The following HPX variants were observed in gnomAD, a reference collection of about 807,000 sequenced individuals.
HPX encodes hemopexin.
In HPX, 42 loss-of-function variants were observed where a neutral mutation model predicts 53.8. The observed-to-expected ratio is 0.78, with a 90% CI of 0.61 to 1.01. HPX has a LOEUF of 1.01. Ranked by LOEUF, HPX falls within the 50% of genes least tolerant of loss-of-function variation. HPX has a pLI of 0.00. For missense variants in HPX, 547 were observed against 594.3 expected (o/e 0.92, Z 0.83); for synonymous variants, 229 against 221.1 (o/e 1.04, Z -0.32).
At position 6,431,232 on chromosome 11, in the gene HPX, A is replaced by G. The variant is rs780231625; in HGVS notation, c.1368T>C (p.Ser456=). Residue 456 remains serine, a synonymous_variant, in exon 10 of 10, where the codon AGT becomes AGC. Transcript: ENST00000265983. ...CCCCTCAGTGAGTGCAGCCCAGGAG[A>G]CTGGTCACATTCTGGGGTTGCGGAA... ...KALPQPQNVT[S]LLGCTH 2.2e-5 allele frequency: 35 copies of G among 1,614,216 alleles called. 1 individual carries two copies. The East Asian group carries it at 6.5e-4, about 30-fold the overall frequency.
At chr11:6,439,743 G>C in intron 4 of HPX, 1 of 240,716 alleles carries the variant, frequency 4.2e-6, no homozygotes, top group East Asian at 1.1e-4. Context: ...AGCAGACACA[G>C]CCTGGGTCAC....
intron 7 of HPX, among the ~76,000 whole-genome samples, chr11:6,433,603 T>C (rs774180719): frequency 6.6e-6 from 1 of 152,282 alleles, no homozygotes; most frequent in Non-Finnish European, 1.5e-5. Flanking sequence ...ACTGCACGGA[T>C]TGCTAGCTGG....
chr11:6,434,670 T>G (rs1003894404), intron 7 of HPX, among the ~76,000 whole-genome samples: 4 of 152,160 alleles, frequency 2.6e-5, no homozygotes, highest in Admixed American at 6.5e-5. Context: ...TGCTGCTTTG[T>G]GCAATGAAGT....
Position 6,431,658 on chromosome 11 carries a change from C to G in HPX, c.1112G>C (p.Arg371Pro). 6.2e-7 allele frequency: 1 copy of G among 1,613,854 alleles called. No individual in the cohort carries two copies. Among genetic ancestry groups the G allele is most frequent in the Non-Finnish European group, 8.5e-7 (1 of 1,180,030 alleles). Residue 371 changes from arginine to proline, a missense_variant, in exon 9 of 10, where the codon CGG (arginine) becomes CCG (proline). Arg to Pro is a moderately radical substitution (Grantham distance 103). Transcript: ENST00000265983. Reference protein sequence around the residue: ...DAAFICPGSSRLHIMAGRRLW... With the variant: ...DAAFICPGSSPLHIMAGRRLW... ...CCCCTCACCTGCCATGATATGGAGC[C>G]GAGAAGACCCAGGGCAGATAAAGGC...
chr11:6,431,464 C>T lies in HPX; in HGVS notation c.1136G>A (p.Arg379Gln), dbSNP rs1159347596. Residue 379 changes from arginine to glutamine, a missense_variant, in exon 10 of 10, where the codon CGG (arginine) becomes CAG (glutamine). Arg to Gln is a conservative substitution (Grantham distance 43). Transcript: ENST00000265983. ...TGACTTCAGGTCCAGCCACCACAGCCGCCGTCCTGGGGAGAAGGCACCAAA... is the reference window on the plus strand; with the variant it reads ...TGACTTCAGGTCCAGCCACCACAGCTGCCGTCCTGGGGAGAAGGCACCAAA... ...SSRLHIMAGR[R>Q]LWWLDLKSGA... is the part of the protein sequence containing the mutation. 2 of 1,614,056 alleles carry T rather than the reference C, an allele frequency of 1.2e-6. No homozygotes were observed. The highest frequency in any genetic ancestry group is 1.3e-5 in the African/African-American group (1 of 74,928).
chr11:6,440,567 T>TTA (rs1849469373), intron 2 of HPX, 29 bp from the exon 3 acceptor site: 4 of 591,202 alleles, frequency 6.8e-6, no homozygotes, highest in African/African-American at 3.3e-5. Flanking sequence ...GATGGCAAAG[T>TTA]AAAAAAAAAA....
intron 5 of HPX, 123 bp from the exon 6 acceptor site, chr11:6,437,775 A>G: frequency 1.4e-6 from 1 of 715,336 alleles, no homozygotes; most frequent in South Asian, 1.6e-5. Context: ...GCCATCAGAG[A>G]GATGGCTAAA....
Position 6,440,181 on chromosome 11 carries a change from C to A in HPX, c.320G>T (p.Ser107Ile). ...VDAAFRQGHN[S>I]VFLIKGDKVW... ...CAGCAGTACCTTGATCAGAAAGACA[C>A]TGTTGTGACCTTGACGGAATGCAGC... Residue 107 changes from serine (S) to isoleucine (I), a missense_variant, in exon 4 of 10, where the codon AGT becomes ATT. Transcript: ENST00000265983. The A allele has an allele frequency of 6.2e-7, 1 of 1,614,160 alleles. No individual in the cohort carries two copies. Among genetic ancestry groups the A allele is most frequent in the Non-Finnish European group, 8.5e-7 (1 of 1,180,034 alleles).
In HPX at chr11:6,431,063, C is replaced by A. The variant is rs1849339509; in HGVS notation, c.*148G>T. On this transcript the variant is annotated 3_prime_UTR_variant, in exon 10 of 10. Transcript: ENST00000265983. ...AGGTCCCTTGATTCAAGTGAAGAAG[C>A]AATCTGTCTTTATTATGAGAAACTG... The A allele has an allele frequency of 2.9e-6, 3 of 1,042,592 alleles. No homozygotes were observed. The highest frequency in any genetic ancestry group is 2.7e-6 in the Non-Finnish European group (2 of 737,882). 64.6% of individuals were successfully genotyped at this position (1,042,592 alleles called of 1,614,324 possible). A position where few individuals can be genotyped will look rare whatever the true frequency, so the allele number is the denominator to read the frequency against.
chr11:6,431,721 C>T lies in HPX; in HGVS notation c.1049G>A (p.Gly350Glu). 1 of 1,614,172 alleles carries T rather than the reference C, an allele frequency of 6.2e-7. No homozygotes were observed. The highest frequency in any genetic ancestry group is 8.5e-7 in the Non-Finnish European group (1 of 1,180,026). ...GYPKRLEKEV[G>E]TPHGIILDSV... is the part of the protein sequence containing the mutation. ...GTCCAGGATAATCCCATGAGGGGTCCCGACTTCCTTCTCCAGCCGCTTCGG... is the reference window on the plus strand; with the variant it reads ...GTCCAGGATAATCCCATGAGGGGTCTCGACTTCCTTCTCCAGCCGCTTCGG... The change falls in exon 9 of 10, where the codon GGG becomes GAG. Residue 350 changes from glycine to glutamate, a missense_variant. Physicochemically the swap from Gly to Glu is moderately conservative, Grantham distance 98. Transcript: ENST00000265983.
chr11:6,439,952 C>T (rs1013645157), intron 4 of HPX: 3 of 629,756 alleles, frequency 4.8e-6, no homozygotes, highest in Non-Finnish European at 8.6e-6. Context: ...AGAACTAAGA[C>T]TAGGACTGAA....
chr11:6,439,991 G>A lies in HPX; in HGVS notation c.336+174C>T, dbSNP rs2306895. On this transcript the variant is annotated intron_variant, in intron 4 of 9. Coordinates refer to ENST00000265983, the MANE Select transcript of HPX (RefSeq NM_000613.3). ...CAGCCACTGGATGGTGCACCTGCCA[G>A]GCCCACACGCATGCACACTCCCTTA... 301 of 751,286 alleles carry A rather than the reference G, an allele frequency of 4.0e-4. 4 individuals carry two copies. In the East Asian group the frequency reaches 8.1e-3, roughly 20 times the overall value. The allele number at this position is 751,286 out of a possible 1,614,324, so 46.5% of individuals were successfully genotyped here.
chr11:6,433,148 T>C (rs973228469), intron 7 of HPX, among the ~76,000 whole-genome samples: 1 of 152,224 alleles, frequency 6.6e-6, no homozygotes. Context: ...AAGCCTCTTT[T>C]CCCTTCCCTA....
chr11:6,432,432 A>G (rs868722527), intron 7 of HPX: 3 of 170,648 alleles, frequency 1.8e-5, no homozygotes, highest in South Asian at 3.1e-4. Context: ...GTCTCTCCCT[A>G]TGAGGTGGTG....
In HPX at chr11:6,434,999, C is replaced by T. The variant is rs1048674374; in HGVS notation, c.835+2047G>A. Among the ~76,000 whole-genome samples the T allele has an allele frequency of 2.0e-5, 3 of 152,180 alleles. No homozygotes were observed. In the East Asian group the frequency reaches 5.8e-4, roughly 29 times the overall value. ...ATCCTAGCACTTTGGGAGGCCGAGG[C>T]AGGCGGATCACCTGAGGTCAGGAGT... is the stretch of plus-strand genomic sequence containing the variant. On this transcript the variant is annotated intron_variant, in intron 7 of 9. Coordinates refer to ENST00000265983, the MANE Select transcript of HPX (RefSeq NM_000613.3).
At chr11:6,431,516 A>T (rs768177494) in intron 9 of HPX, 46 bp from the exon 10 acceptor site, 70 of 1,611,720 alleles carry the variant, frequency 4.3e-5, no homozygotes, top group Non-Finnish European at 5.6e-5. Flanking sequence ...TGTCATGGGG[A>T]TCCTGACCTA....
Position 6,438,401 on chromosome 11 carries a change from A to T in HPX, c.445T>A (p.Cys149Ser). 2 of 1,614,162 alleles carry T rather than the reference A, an allele frequency of 1.2e-6. No homozygotes were observed. The highest frequency in any genetic ancestry group is 2.2e-5 in the South Asian group (2 of 91,076). Reference sequence around the variant, plus strand: ...TCAGCTTGACATTCTCCACGGTGACATTCCACAGCTGCATCCAGTGGGGAT... The same window carrying T: ...TCAGCTTGACATTCTCCACGGTGACTTTCCACAGCTGCATCCAGTGGGGAT... ...IPSPLDAAVE[C>S]HRGECQAEGV... Residue 149 changes from cysteine to serine, a missense_variant, in exon 5 of 10, where the codon TGT (cysteine) becomes AGT (serine). Physicochemically the swap from Cys to Ser is moderately radical, Grantham distance 112. Coordinates refer to ENST00000265983, the MANE Select transcript of HPX (RefSeq NM_000613.3).
At chr11:6,434,943 G>A (rs917230769) in intron 7 of HPX, among the ~76,000 whole-genome samples, 2 of 152,080 alleles carry the variant, frequency 1.3e-5, no homozygotes, top group African/African-American at 4.8e-5. Flanking sequence ...AAAAACCTAT[G>A]AGGGGCCAGG....
intron 7 of HPX, among the ~76,000 whole-genome samples, chr11:6,435,614 T>C (rs1235053066): frequency 6.6e-6 from 1 of 152,024 alleles, no homozygotes; most frequent in African/African-American, 2.4e-5. Context: ...ACCCGACTAA[T>C]TTTTATATTT....
Sources: allele counts gnomAD v4.1 joint callset (sites outside exome capture counted in the v4.1 genomes callset), GRCh38; gene constraint gnomAD v4.1.1; transcripts MANE v1.5; gene names NCBI Gene and HGNC (gene_info 2026-07-23, HGNC 2026-07-21).